The following BIN3 variants were observed in gnomAD, a reference collection of about 807,000 sequenced individuals.
BIN3 encodes the protein bridging integrator 3.
Under a neutral mutation model 38.2 loss-of-function variants are expected in BIN3, and 41 were observed. The ratio of observed to expected loss-of-function variants is 1.07; its 90% CI spans 0.84 to 1.39. The LOEUF is 1.39. Ranked by LOEUF, BIN3 falls within the 40% of genes most tolerant of loss-of-function variation. BIN3 has a pLI of 0.00. For missense variants in BIN3, 361 were observed against 324.3 expected, an observed-to-expected ratio of 1.11 and a Z score of -0.87; for synonymous variants, 145 against 122.6, an observed-to-expected ratio of 1.18 and a Z score of -1.21.
intron 1 of BIN3, among the ~76,000 whole-genome samples, chr8:22,656,618 G>C (rs1471036365): frequency 6.6e-6 from 1 of 152,102 alleles, no homozygotes; most frequent in Admixed American, 6.5e-5. Context: ...TTCCGACTTT[G>C]GTAAGAATGC....
intron 8 of BIN3, 131 bp downstream of exon 8, chr8:22,623,784 T>C (rs1801917956): frequency 8.2e-7 from 1 of 1,222,558 alleles, no homozygotes; most frequent in African/African-American, 1.5e-5. Context: ...AATGAATTCC[T>C]TCAGGGCTTT....
chr8:22,623,851 G>A, intron 8 of BIN3, 64 bp downstream of exon 8: 1 of 1,559,158 alleles, frequency 6.4e-7, no homozygotes, highest in Non-Finnish European at 8.7e-7. Flanking sequence ...TTCCAGTGTG[G>A]GTGACAGGGA....
intron 6 of BIN3, among the ~76,000 whole-genome samples, chr8:22,627,404 G>C (rs1802036878): frequency 6.6e-6 from 1 of 152,210 alleles, no homozygotes; most frequent in Admixed American, 6.5e-5. Flanking sequence ...CAACAGAACA[G>C]ACTTTGCCAA....
chr8:22,649,720 A>G (rs763078292), intron 1 of BIN3, among the ~76,000 whole-genome samples: 40 of 152,046 alleles, frequency 2.6e-4, no homozygotes, highest in Non-Finnish European at 4.9e-4. Flanking sequence ...AAAAACAAAC[A>G]AACAAAAAAA....
intron 6 of BIN3, among the ~76,000 whole-genome samples, chr8:22,628,179 AG>A (rs1453889136): frequency 2.0e-5 from 3 of 152,236 alleles, no homozygotes; most frequent in African/African-American, 7.2e-5. Flanking sequence ...TCCACCCACC[AG>A]GAAAGGGAAA....
At chr8:22,625,610 CAG>C (rs1198548215) in intron 6 of BIN3, 8 of 583,038 alleles carry the variant, frequency 1.4e-5, no homozygotes, top group African/African-American at 7.5e-5. Flanking sequence ...GGTTTTGAGA[CAG>C]AGTCTTGCTC....
At position 22,653,315 on chromosome 8, in the gene BIN3, T is replaced by C. The variant is rs141330198; in HGVS notation, c.9-8512A>G. On this transcript the variant is annotated intron_variant, in intron 1 of 8. Transcript: ENST00000276416. ...TAACAATCATCACTCCTATTTAAAATGGATCTCGTTCTCTTAATGGATTAC... is the reference window on the plus strand; with the variant it reads ...TAACAATCATCACTCCTATTTAAAACGGATCTCGTTCTCTTAATGGATTAC... Among the ~76,000 whole-genome samples the C allele has an allele frequency of 5.5e-3, 844 of 152,350 alleles. 9 individuals are homozygous for C. Among genetic ancestry groups the C allele is most frequent in the African/African-American group, 0.02 (814 of 41,574 alleles).
intron 1 of BIN3, among the ~76,000 whole-genome samples, chr8:22,652,904 T>C (rs56979717): frequency 0.017 from 2,561 of 152,302 alleles, 71 homozygotes; most frequent in African/African-American, 0.057. Flanking sequence ...ATCATTTTCT[T>C]AGAGTAAAAA....
rs990094102 is a variant in BIN3 at position 22,620,657 on chromosome 8, GC to G, written c.*764del. 5.3e-5 allele frequency: 8 copies of G among 152,336 alleles called. No individual in the cohort carries two copies. In the South Asian group the frequency reaches 1.4e-3, roughly 28 times the overall value. 9.4% of individuals were successfully genotyped at this position (152,336 alleles called of 1,614,324 possible). A position where few individuals can be genotyped will look rare whatever the true frequency, so the allele number is the denominator to read the frequency against. On this transcript the variant is annotated 3_prime_UTR_variant, in exon 9 of 9. Coordinates refer to ENST00000276416, the MANE Select transcript of BIN3 (RefSeq NM_018688.6). ...GGGTGCTGCTGCTCCGTGGAGGGCA[GC>G]AGGCCCAGGAAGGGGTTTCCTCTGC...
Position 22,621,063 on chromosome 8 carries a change from T to TCGG in BIN3, c.*358_*359insCCG. 1 of 195,542 alleles carries TCGG rather than the reference T, an allele frequency of 5.1e-6. No homozygotes were observed. Among genetic ancestry groups the TCGG allele is most frequent in the East Asian group, 1.4e-4 (1 of 7,334 alleles). 12.1% of individuals were successfully genotyped at this position (195,542 alleles called of 1,614,324 possible). ...CAGGATGGGTCTTTTGGAGGTAGAT[T>TCGG]TGATGCCCACAACGCATGCAAGGCT... is the stretch of plus-strand genomic sequence containing the variant. On this transcript the variant is annotated 3_prime_UTR_variant, in exon 9 of 9. Coordinates refer to ENST00000276416, the MANE Select transcript of BIN3 (RefSeq NM_018688.6).
chr8:22,630,470 T>A lies in BIN3; in HGVS notation c.269A>T (p.Lys90Met), dbSNP rs544518387. 3.3e-5 allele frequency: 54 copies of A among 1,614,002 alleles called. No homozygotes were observed. The South Asian group carries it at 5.6e-4, about 17-fold the overall frequency. The change falls in exon 5 of 9, where the codon AAG becomes ATG. Residue 90 changes from lysine to methionine, a missense_variant. Coordinates refer to ENST00000276416, the MANE Select transcript of BIN3 (RefSeq NM_018688.6). ...TTCCTGATTGAAGGCATCCATCCGC[T>A]TCATGGCCGTGTCCAGGGCCGTCAC... ...NMVTALDTAM[K>M]RMDAFNQEKV...
chr8:22,661,062 C>T lies in BIN3; in HGVS notation c.8+7982G>A, dbSNP rs567643251. ...CTACCCCTGGCTAATTTTTAATTTT[C>T]TTTTTGTAGAGACAGTCTCACTACG... On this transcript the variant is annotated intron_variant, in intron 1 of 8. Transcript: ENST00000276416. Among the ~76,000 whole-genome samples, 4 of 152,064 alleles carry T rather than the reference C, an allele frequency of 2.6e-5. No homozygotes were observed. The East Asian group carries it at 7.8e-4, about 30-fold the overall frequency.
At chr8:22,645,093 A>G (rs552356091) in intron 1 of BIN3, among the ~76,000 whole-genome samples, 1 of 151,078 alleles carries the variant, frequency 6.6e-6, no homozygotes, top group Admixed American at 6.6e-5. Context: ...GAGGCCAAGG[A>G]GTTTGAGGCT....
intron 6 of BIN3, 71 bp from the exon 7 acceptor site, chr8:22,624,434 T>C: frequency 6.4e-7 from 1 of 1,558,636 alleles, no homozygotes; most frequent in Non-Finnish European, 8.7e-7. Flanking sequence ...GGTCTGCTCT[T>C]GGAGGGGTGG....
intron 6 of BIN3, among the ~76,000 whole-genome samples, chr8:22,628,649 G>C (rs1802081528): frequency 6.6e-6 from 1 of 152,208 alleles, no homozygotes; most frequent in Non-Finnish European, 1.5e-5. Context: ...TGCTGATACT[G>C]AAACTGAGGT....
chr8:22,649,320 T>A (rs760422204), intron 1 of BIN3, among the ~76,000 whole-genome samples: 1 of 152,232 alleles, frequency 6.6e-6, no homozygotes, highest in Admixed American at 6.5e-5. Context: ...AAGACTTATT[T>A]GGCATTTAAA....
chr8:22,660,000 C>G (rs1302369816), intron 1 of BIN3, among the ~76,000 whole-genome samples: 3 of 152,046 alleles, frequency 2.0e-5, no homozygotes, highest in African/African-American at 7.3e-5. Context: ...GGTTAGGAAA[C>G]CTGAAATTAT....
At chr8:22,625,169 T>A (rs546596983) in intron 6 of BIN3, 1 of 618,374 alleles carries the variant, frequency 1.6e-6, no homozygotes, top group African/African-American at 1.8e-5. Flanking sequence ...CAGTGGACGA[T>A]GCAACGCTGC....
At chr8:22,625,593 G>A in intron 6 of BIN3, 1 of 596,280 alleles carries the variant, frequency 1.7e-6, no homozygotes, top group South Asian at 1.9e-5. Flanking sequence ...GACATGACCA[G>A]GAATTTGGTT....
Sources: gnomAD v4.1 joint callset for allele counts (sites outside exome capture counted in the v4.1 genomes callset) on GRCh38, gnomAD v4.1.1 for gene constraint, MANE v1.5 for transcripts, NCBI Gene and HGNC (gene_info 2026-07-23, HGNC 2026-07-21) for gene names.